The following RALYL variants were observed in gnomAD, a reference collection of about 807,000 sequenced individuals.
The protein encoded by RALYL is RALY RNA binding protein like.
Under a neutral mutation model 35.1 loss-of-function variants are expected in RALYL, and 29 were observed. The observed-to-expected ratio is 0.83, with a 90% CI of 0.61 to 1.13. The LOEUF is 1.13. Among genes scored for constraint, RALYL ranks in the 50% most tolerant of loss-of-function variants. RALYL has a pLI of 0.00. For synonymous variants in RALYL, 120 were observed against 127.6 expected (o/e 0.94, Z 0.40); for missense variants, 359 against 360.4 (o/e 1.00, Z 0.03).
chr8:84,441,746 A>T (rs1049300786), intron 1 of RALYL, among the ~76,000 whole-genome samples: 1 of 152,116 alleles, frequency 6.6e-6, no homozygotes, highest in African/African-American at 2.4e-5. Flanking sequence ...TTTAAGTATC[A>T]ATAATGTTTA....
chr8:84,293,557 A>C (rs1444008398), intron 1 of RALYL, among the ~76,000 whole-genome samples: 2 of 152,136 alleles, frequency 1.3e-5, no homozygotes, highest in Non-Finnish European at 2.9e-5. Context: ...GTTGATATAA[A>C]CACCTACATA....
At chr8:84,207,820 G>GTATA (rs3078265) in intron 1 of RALYL, among the ~76,000 whole-genome samples, 107 of 146,102 alleles carry the variant, frequency 7.3e-4, no homozygotes, top group African/African-American at 1.2e-3. Flanking sequence ...GTGTGTGTGT[G>GTATA]TATATATATA....
intron 1 of RALYL, among the ~76,000 whole-genome samples, chr8:84,527,375 C>T (rs564741165): frequency 2.0e-4 from 31 of 152,274 alleles, no homozygotes; most frequent in East Asian, 7.7e-4. Flanking sequence ...GGCAGACCAC[C>T]GGGCTCTGTA....
At chr8:84,553,964 T>A (rs1470752951) in intron 2 of RALYL, among the ~76,000 whole-genome samples, 1 of 152,178 alleles carries the variant, frequency 6.6e-6, no homozygotes, top group Non-Finnish European at 1.5e-5. Context: ...TTCAAATACT[T>A]TAGAATACAA....
chr8:84,561,169 A>G (rs1422910259), intron 2 of RALYL, among the ~76,000 whole-genome samples: 5 of 152,104 alleles, frequency 3.3e-5, no homozygotes, highest in African/African-American at 9.7e-5. Context: ...AGGATTGCAT[A>G]TGCTGCCTAC....
At chr8:84,680,927 T>C (rs1835337989) in intron 2 of RALYL, among the ~76,000 whole-genome samples, 1 of 152,004 alleles carries the variant, frequency 6.6e-6, no homozygotes, top group Admixed American at 6.6e-5. Context: ...TCCTTGCCCA[T>C]TCCTATGTCC....
In RALYL at chr8:84,594,987, T is replaced by G. The variant is rs1852918; in HGVS notation, c.256+65410T>G. ...CATTGACAGGTTGGAGTATGGATGT[T>G]AGAGCAAACTAAGTTTGTGATATAT... On this transcript the variant is annotated intron_variant, in intron 2 of 8. Transcript: ENST00000521268. Among the ~76,000 whole-genome samples, 438 of 152,138 alleles carry G rather than the reference T, an allele frequency of 2.9e-3. 2 individuals carry two copies. The highest frequency in any genetic ancestry group is 4.7e-3 in the Non-Finnish European group (321 of 67,974).
intron 2 of RALYL, among the ~76,000 whole-genome samples, chr8:84,766,012 A>G (rs958178813): frequency 6.6e-6 from 1 of 152,226 alleles, no homozygotes; most frequent in African/African-American, 2.4e-5. Flanking sequence ...TGACAGAGCC[A>G]GCAGGGATTG....
intron 1 of RALYL, among the ~76,000 whole-genome samples, chr8:84,279,058 G>T (rs915919545): frequency 7.2e-5 from 11 of 152,196 alleles, no homozygotes; most frequent in African/African-American, 2.4e-4. Flanking sequence ...TGGACTCACA[G>T]TCCCACATGG....
intron 1 of RALYL, among the ~76,000 whole-genome samples, chr8:84,452,414 A>G (rs1298019434): frequency 1.3e-5 from 2 of 151,982 alleles, no homozygotes; most frequent in Non-Finnish European, 2.9e-5. Context: ...TCAGTATTAA[A>G]GTCAAAACTT....
intron 6 of RALYL, among the ~76,000 whole-genome samples, chr8:84,870,577 G>GTATA (rs36230993): frequency 3.4e-4 from 51 of 148,664 alleles, no homozygotes; most frequent in South Asian, 8.6e-4. Context: ...TATCTGTAAT[G>GTATA]TATATATATA....
intron 2 of RALYL, among the ~76,000 whole-genome samples, chr8:84,579,571 T>C (rs1038786808): frequency 6.6e-6 from 1 of 152,206 alleles, no homozygotes; most frequent in Non-Finnish European, 1.5e-5. Context: ...AGGGCTGGCA[T>C]CAGCAGTACC....
intron 1 of RALYL, among the ~76,000 whole-genome samples, chr8:84,225,963 A>G (rs140103707): frequency 6.4e-4 from 98 of 152,298 alleles, no homozygotes; most frequent in African/African-American, 2.2e-3. Flanking sequence ...TAGTGAGTTT[A>G]ATAGAAGGAG....
chr8:84,913,064 A>ATAGATAGATAGATAGATAGATAGG (rs1563856947), intron 8 of RALYL, among the ~76,000 whole-genome samples: 8 of 151,704 alleles, frequency 5.3e-5, no homozygotes, highest in Non-Finnish European at 1.5e-5. Flanking sequence ...AGATAGATAG[A>ATAGATAGATAGATAGATAGATAGG]TAGATAGATA....
At chr8:84,450,508 C>A (rs2049346784) in intron 1 of RALYL, among the ~76,000 whole-genome samples, 1 of 151,726 alleles carries the variant, frequency 6.6e-6, no homozygotes, top group African/African-American at 2.4e-5. Flanking sequence ...TTCAGTTATG[C>A]CTGCTACTAG....
In RALYL at chr8:84,919,875, CAT is replaced by C. The variant is rs574738563; in HGVS notation, c.859-1018_859-1017del. On this transcript the variant is annotated intron_variant, in intron 8 of 8. Transcript: ENST00000521268. ...AGATTTGAGGGAGGCACATCTCACA[CAT>C]GAGTGTGAAAATTCAATCATCACAT... 2.0e-3 allele frequency among the ~76,000 whole-genome samples: 301 copies of C among 152,152 alleles called. 2 individuals carry two copies. The highest frequency in any genetic ancestry group is 6.8e-3 in the Middle Eastern group (2 of 294).
At chr8:84,709,976 G>T (rs549132401) in intron 2 of RALYL, among the ~76,000 whole-genome samples, 1 of 151,978 alleles carries the variant, frequency 6.6e-6, no homozygotes, top group Non-Finnish European at 1.5e-5. Flanking sequence ...CACAATAATC[G>T]CTTGAACCCA....
At chr8:84,884,923 T>C (rs1842727528) in intron 7 of RALYL, among the ~76,000 whole-genome samples, 1 of 152,084 alleles carries the variant, frequency 6.6e-6, no homozygotes, top group Admixed American at 6.6e-5. Flanking sequence ...AGATGATGTG[T>C]ACAAAAACTT....
chr8:84,752,399 A>C (rs968567637), intron 2 of RALYL, among the ~76,000 whole-genome samples: 8 of 152,202 alleles, frequency 5.3e-5, no homozygotes, highest in African/African-American at 1.9e-4. Context: ...CAGAGCATAA[A>C]ATTTGAAAAA....
Sources: allele counts gnomAD v4.1 joint callset (sites outside exome capture counted in the v4.1 genomes callset), GRCh38; gene constraint gnomAD v4.1.1; transcripts MANE v1.5; gene names NCBI Gene and HGNC (gene_info 2026-07-23, HGNC 2026-07-21).